The following ZNF324B variants were observed in gnomAD, a reference collection of about 807,000 sequenced individuals.
ZNF324B encodes the protein zinc finger protein 324B.
In ZNF324B, 7 loss-of-function variants were observed where a neutral mutation model predicts 10.6. The ratio of observed to expected loss-of-function variants is 0.66; its 90% CI spans 0.38 to 1.24. The LOEUF is 1.24. ZNF324B is among the 50% of genes most tolerant of loss of function. ZNF324B has a pLI of 0.02. For synonymous variants in ZNF324B, 316 were observed against 321.0 expected (o/e 0.98, Z 0.17); for missense variants, 640 against 764.7 (o/e 0.84, Z 1.92).
chr19:58,435,433 A>G, the ZNF324B span: 1 of 525,870 alleles, frequency 1.9e-6, no homozygotes, highest in Non-Finnish European at 3.3e-6. Context: ...GTAAGGACAC[A>G]GAAATGGGTC....
At chr19:58,454,727 G>T (rs1424723781) in intron 3 of ZNF324B, 3 of 560,900 alleles carry the variant, frequency 5.3e-6, no homozygotes, top group Non-Finnish European at 6.4e-6. Flanking sequence ...TGCCTTTGTG[G>T]GGCTGATGGT....
chr19:58,431,933 T>G, the ZNF324B span, among the ~76,000 whole-genome samples: 182 of 152,054 alleles, frequency 1.2e-3, no homozygotes, highest in African/African-American at 4.2e-3. Flanking sequence ...AGGTGGAGCT[T>G]GCCGTGAGCC....
At chr19:58,446,111 G>T in the ZNF324B span, among the ~76,000 whole-genome samples, 3 of 152,100 alleles carry the variant, frequency 2.0e-5, no homozygotes, top group Non-Finnish European at 4.4e-5. Flanking sequence ...CTCCAACCTG[G>T]GCAACAGAGT....
At chr19:58,439,794 T>C in the ZNF324B span, 1 of 1,546,926 alleles carries the variant, frequency 6.5e-7, no homozygotes, top group Non-Finnish European at 8.7e-7. Context: ...GGCAACCCCA[T>C]TAGAACCTGT....
At chr19:58,444,164 A>G in the ZNF324B span, 1 of 151,896 alleles carries the variant, frequency 6.6e-6, no homozygotes. Context: ...TTTAAAAAAA[A>G]TTTTCCTGAC....
the ZNF324B span, chr19:58,437,607 G>A: frequency 2.5e-6 from 2 of 806,624 alleles, no homozygotes; most frequent in Non-Finnish European, 3.0e-6. Context: ...GGGCCCAATG[G>A]TTCACATTCT....
chr19:58,434,891 C>G, the ZNF324B span: 1 of 1,614,148 alleles, frequency 6.2e-7, no homozygotes, highest in Non-Finnish European at 8.5e-7. Context: ...GACAGGTGGA[C>G]TTTAGAGCTC....
chr19:58,455,085 G>C lies in ZNF324B; in HGVS notation c.239-98G>C, dbSNP rs746673483. On this transcript the variant is annotated intron_variant, in intron 3 of 3. Transcript: ENST00000336614. The surrounding 1 kb of genome is among the most constrained non-coding windows in gnomAD (Gnocchi z 7.0). Reference sequence around the variant, plus strand: ...ACCTCTTCTTTTTCCCTAAGCTTTTGTCCCGGCTCCTGGGCTCCCCCTTGC... The same window carrying C: ...ACCTCTTCTTTTTCCCTAAGCTTTTCTCCCGGCTCCTGGGCTCCCCCTTGC... 6.5e-7 allele frequency: 1 copy of C among 1,531,042 alleles called. No homozygotes were observed. The highest frequency in any genetic ancestry group is 1.4e-5 in the African/African-American group (1 of 69,450). The allele number at this position is 1,531,042 out of a possible 1,614,324, so 94.8% of individuals were successfully genotyped here.
At chr19:58,450,346 T>C (rs1423320439), upstream of ZNF324B, among the ~76,000 whole-genome samples, 2 of 152,040 alleles carry the variant, frequency 1.3e-5, no homozygotes, top group Non-Finnish European at 2.9e-5. Context: ...CTGCCTGTAG[T>C]TCCAGCTACT....
chr19:58,440,474 A>G, the ZNF324B span: 2 of 153,042 alleles, frequency 1.3e-5, no homozygotes, highest in South Asian at 1.9e-4. Flanking sequence ...TCCTCGGACC[A>G]TCACTTTGGC....
chr19:58,453,450 G>A (rs1401111196), intron 1 of ZNF324B, among the ~76,000 whole-genome samples: 1 of 152,224 alleles, frequency 6.6e-6, no homozygotes, highest in Non-Finnish European at 1.5e-5. Flanking sequence ...CCCAGCCAGG[G>A]CTTGCTCTAG....
chr19:58,450,519 T>C (rs2122333887), upstream of ZNF324B, among the ~76,000 whole-genome samples: 1 of 151,782 alleles, frequency 6.6e-6, no homozygotes, highest in Non-Finnish European at 1.5e-5. Context: ...ATAATGCCTC[T>C]AAGCATTTGA....
In ZNF324B at chr19:58,457,252, AG is replaced by A. The variant is rs2052932143; in HGVS notation, c.*676del. ...GCTGTGCTCTGGTCAGCCAGGTGTG[AG>A]GGCCTGGCCTGGGGTCACACAGCTG... On this transcript the variant is annotated 3_prime_UTR_variant, in exon 4 of 4. Transcript: ENST00000336614. The A allele has an allele frequency of 6.5e-6, 1 of 152,896 alleles. No homozygotes were observed. The highest frequency in any genetic ancestry group is 2.4e-5 in the African/African-American group (1 of 41,438). The allele number at this position is 152,896 out of a possible 1,614,324, so 9.5% of individuals were successfully genotyped here. A position where few individuals can be genotyped will look rare whatever the true frequency, so the allele number is the denominator to read the frequency against.
At chr19:58,443,798 T>C in the ZNF324B span, 1 of 152,256 alleles carries the variant, frequency 6.6e-6, no homozygotes, top group Admixed American at 6.5e-5. Context: ...GCATTGACTT[T>C]GTGAAGTTCA....
chr19:58,434,873 G>A, the ZNF324B span: 2 of 1,614,038 alleles, frequency 1.2e-6, no homozygotes, highest in African/African-American at 2.7e-5. Context: ...CAAGTGAAGG[G>A]GTTCTCTGAC....
chr19:58,438,823 C>T, the ZNF324B span, among the ~76,000 whole-genome samples: 8 of 148,632 alleles, frequency 5.4e-5, no homozygotes, highest in East Asian at 4.0e-4. Flanking sequence ...CAGGCTGGAG[C>T]GCAGTGGCAC....
rs1329606828 is a variant in ZNF324B, at chr19:58,452,648, T to C, written c.-7+944T>C. On this transcript the variant is annotated intron_variant, in intron 1 of 3. Transcript: ENST00000336614. ...AAGCAGGTTTCCTTCAGGGGAAAGA[T>C]CAAGAGTCTGGGATGTCCCAGGTTG... The C allele has an allele frequency of 7.3e-6, 7 of 963,748 alleles. No individual in the cohort carries two copies. In the East Asian group the frequency reaches 8.1e-4, roughly 111 times the overall value. 59.7% of individuals were successfully genotyped at this position (963,748 alleles called of 1,614,324 possible). A position where few individuals can be genotyped will look rare whatever the true frequency, so the allele number is the denominator to read the frequency against.
the ZNF324B span, among the ~76,000 whole-genome samples, chr19:58,425,213 G>A: frequency 1.4e-3 from 211 of 151,092 alleles, no homozygotes; most frequent in African/African-American, 4.8e-3. Context: ...CCGAAATTGC[G>A]CCACTGCACT....
chr19:58,447,839 G>A (rs1264505278), upstream of ZNF324B, among the ~76,000 whole-genome samples: 1 of 152,182 alleles, frequency 6.6e-6, no homozygotes, highest in African/African-American at 2.4e-5. Context: ...AGTCATGGGG[G>A]CAGTTTCCCC....
Sources: allele counts gnomAD v4.1 joint callset (sites outside exome capture counted in the v4.1 genomes callset), GRCh38; gene constraint gnomAD v4.1.1; non-coding constraint Gnocchi (gnomAD v3.1); transcripts MANE v1.5; gene names NCBI Gene and HGNC (gene_info 2026-07-23, HGNC 2026-07-21).